ACVR2B: variants seen among roughly 807,000 people sequenced by gnomAD.
ACVR2B encodes the protein activin A receptor type 2B.
Under a neutral mutation model 65.1 loss-of-function variants are expected in ACVR2B, and 18 were observed. That is an observed-to-expected ratio of 0.28 (90% CI 0.19 to 0.41). ACVR2B has a LOEUF of 0.41. ACVR2B is among the 10% of genes least tolerant of loss of function. The probability of loss-of-function intolerance (pLI) is 1.00; values close to 1 mark genes in which losing one functional copy is unlikely to be tolerated. For missense variants in ACVR2B, 482 were observed against 682.7 expected, an observed-to-expected ratio of 0.71 and a Z score of 3.28; for synonymous variants, 298 against 277.7, an observed-to-expected ratio of 1.07 and a Z score of -0.73.
chr3:38,481,784 G>C lies in ACVR2B; in HGVS notation c.1074+319G>C, dbSNP rs1211638599. On this transcript the variant is annotated intron_variant, in intron 8 of 10. Coordinates refer to ENST00000352511, the MANE Select transcript of ACVR2B (RefSeq NM_001106.4). The surrounding 1 kb of genome is among the most constrained non-coding windows in gnomAD (Gnocchi z 4.7). ...AGACAAAACAAAGAAATGTACTAAG[G>C]ATCCAAACAAAGAACCTGGAAAAAG... 6.6e-6 allele frequency among the ~76,000 whole-genome samples: 1 copy of C among 152,090 alleles called. No homozygotes were observed. The highest frequency in any genetic ancestry group is 1.5e-5 in the Non-Finnish European group (1 of 68,012).
At position 38,479,761 on chromosome 3, in the gene ACVR2B, C is replaced by T. The variant is rs779974135; in HGVS notation, c.894C>T (p.Leu298=). The change falls in exon 7 of 11, where the codon CTC becomes CTT. Residue 298 remains leucine, a synonymous_variant. Transcript: ENST00000352511. ...TAGCAGAGACGATGTCACGAGGCCT[C>T]TCATACCTGCATGAGGATGTGCCCT... is the stretch of plus-strand genomic sequence containing the variant. ...CHVAETMSRG[L]SYLHEDVPWC... The T allele has an allele frequency of 3.7e-6, 6 of 1,614,256 alleles. No homozygotes were observed. The highest frequency in any genetic ancestry group is 5.1e-6 in the Non-Finnish European group (6 of 1,180,044).
At chr3:38,474,220 G>C (rs1709868857) in intron 1 of ACVR2B, 1 of 152,508 alleles carries the variant, frequency 6.6e-6, no homozygotes, top group East Asian at 1.9e-4. Context: ...CTGAGATTTG[G>C]AACTCCCAGC....
intron 1 of ACVR2B, among the ~76,000 whole-genome samples, chr3:38,460,008 G>A (rs1311879500): frequency 2.0e-5 from 3 of 152,198 alleles, no homozygotes; most frequent in Admixed American, 2.0e-4. Flanking sequence ...GCTGCACTGG[G>A]AAGTGATTAC....
chr3:38,460,313 A>G (rs1709622497), intron 1 of ACVR2B, among the ~76,000 whole-genome samples: 2 of 152,018 alleles, frequency 1.3e-5, no homozygotes, highest in South Asian at 2.1e-4. Flanking sequence ...AGAGGTGCCT[A>G]TTCCTTGTGG....
rs981353639 is a variant in ACVR2B, at chr3:38,488,685, C to T, written c.*5353C>T. ...ACATGACTTTTTGATTGTGGTACTT[C>T]CTGTATCCCCTGTAGTGCCAAAACC... On this transcript the variant is annotated 3_prime_UTR_variant, in exon 11 of 11. Transcript: ENST00000352511. 1.1e-4 allele frequency: 17 copies of T among 152,148 alleles called. No individual in the cohort carries two copies. The highest frequency in any genetic ancestry group is 3.9e-4 in the African/African-American group (16 of 41,422). The allele number at this position is 152,148 out of a possible 1,614,324, so 9.4% of individuals were successfully genotyped here. A position where few individuals can be genotyped will look rare whatever the true frequency, so the allele number is the denominator to read the frequency against.
chr3:38,471,442 T>C (rs745415833), intron 1 of ACVR2B, among the ~76,000 whole-genome samples: 6 of 113,640 alleles, frequency 5.3e-5, no homozygotes, highest in Non-Finnish European at 1.3e-4. Flanking sequence ...AGTTTAACAG[T>C]ATTTAGTCAG....
In ACVR2B at chr3:38,466,540, A is replaced by G. The variant is rs571554314; in HGVS notation, c.53-10747A>G. 1.6e-4 allele frequency among the ~76,000 whole-genome samples: 23 copies of G among 145,076 alleles called. No homozygotes were observed. In the East Asian group the frequency reaches 4.0e-3, roughly 25 times the overall value. ...TTTTTTTGAGATGGAGTCTTGCTCT[A>G]TCACCCAGGCTGGAGTGCAGTGGGG... On this transcript the variant is annotated intron_variant, in intron 1 of 10. Transcript: ENST00000352511.
rs547832785 is a variant in ACVR2B at position 38,478,054 on chromosome 3, G to A, written c.370+84G>A. The A allele has an allele frequency of 3.8e-6, 6 of 1,593,810 alleles. No individual in the cohort carries two copies. In the East Asian group the frequency reaches 1.3e-4, roughly 36 times the overall value. The stretch of plus-strand genomic sequence containing the variant: ...GGAGCGCTTGGCTCCTCAGTTGGGT[G>A]GGGTGTGGCTACAGGGCCCTGTAGT... On this transcript the variant is annotated intron_variant, in intron 3 of 10. Transcript: ENST00000352511.
chr3:38,471,697 G>C (rs1709821098), intron 1 of ACVR2B, among the ~76,000 whole-genome samples: 1 of 152,208 alleles, frequency 6.6e-6, no homozygotes, highest in Non-Finnish European at 1.5e-5. Flanking sequence ...CTAGAGACAG[G>C]CTGCCTGGGG....
In ACVR2B at chr3:38,492,753, C is replaced by A; in HGVS notation, c.*9421C>A. 1 of 14,618 alleles carries A rather than the reference C, an allele frequency of 6.8e-5. No individual in the cohort carries two copies. Among genetic ancestry groups the A allele is most frequent in the Admixed American group, 7.0e-4 (1 of 1,424 alleles). The allele number at this position is 14,618 out of a possible 1,614,324, so 0.9% of individuals were successfully genotyped here. ...TATTACACACACACACACACACACA[C>A]ACACACACACACACACACACACACA... On this transcript the variant is annotated 3_prime_UTR_variant, in exon 11 of 11. Coordinates refer to ENST00000352511, the MANE Select transcript of ACVR2B (RefSeq NM_001106.4).
chr3:38,486,530 C>T lies in ACVR2B; in HGVS notation c.*3198C>T, dbSNP rs889994074. The T allele has an allele frequency of 1.3e-5, 2 of 152,218 alleles. No individual in the cohort carries two copies. Among genetic ancestry groups the T allele is most frequent in the African/African-American group, 4.8e-5 (2 of 41,444 alleles). 9.4% of individuals were successfully genotyped at this position (152,218 alleles called of 1,614,324 possible). ...CCTGTGCTCTTTTCCATAATGACTT[C>T]ATGTGACATGCACTTTTGGTGGGCT... On this transcript the variant is annotated 3_prime_UTR_variant, in exon 11 of 11. Transcript: ENST00000352511.
chr3:38,454,249 G>T lies in ACVR2B; in HGVS notation c.-74G>T. 1.8e-6 allele frequency: 2 copies of T among 1,094,740 alleles called. No individual in the cohort carries two copies. The highest frequency in any genetic ancestry group is 2.3e-6 in the Non-Finnish European group (2 of 878,634). The allele number at this position is 1,094,740 out of a possible 1,614,324, so 67.8% of individuals were successfully genotyped here. On this transcript the variant is annotated 5_prime_UTR_variant, in exon 1 of 11. Transcript: ENST00000352511. ...GGAAGGAGAGCGCAGCCGCCGCCTG[G>T]CCCTGCGCGCCCCGGGAGCGCCGTG...
intron 1 of ACVR2B, among the ~76,000 whole-genome samples, chr3:38,455,515 CG>C (rs927955866): frequency 3.3e-5 from 5 of 152,114 alleles, no homozygotes; most frequent in African/African-American, 1.2e-4. Flanking sequence ...CACGCTGCTG[CG>C]GGGGTGGGGA....
At chr3:38,478,061 G>A (rs1409559704) in intron 3 of ACVR2B, 80 bp from the exon 4 acceptor site, 2 of 1,596,084 alleles carry the variant, frequency 1.3e-6, no homozygotes, top group Non-Finnish European at 1.7e-6. Flanking sequence ...GGTGGGGTGT[G>A]GCTACAGGGC....
intron 1 of ACVR2B, among the ~76,000 whole-genome samples, chr3:38,456,146 A>AG (rs1432129504): frequency 3.3e-5 from 5 of 152,206 alleles, no homozygotes; most frequent in Non-Finnish European, 7.4e-5. Context: ...GTACCCTGCC[A>AG]GGGGGCAGTC....
intron 1 of ACVR2B, chr3:38,473,576 C>T (rs557146569): frequency 6.6e-6 from 1 of 152,458 alleles, no homozygotes; most frequent in Non-Finnish European, 1.5e-5. Flanking sequence ...GCAGCAGAGC[C>T]CTGTGGTGAG....
In ACVR2B at chr3:38,462,352, T is replaced by C. The variant is rs557176066; in HGVS notation, c.52+7978T>C. On this transcript the variant is annotated intron_variant, in intron 1 of 10. Transcript: ENST00000352511. Reference sequence around the variant, plus strand: ...ACAGCTAAGAAGCATTTTCACAAATTGAATACACTGGTTTAGTCAGCATCC... The same window carrying C: ...ACAGCTAAGAAGCATTTTCACAAATCGAATACACTGGTTTAGTCAGCATCC... Among the ~76,000 whole-genome samples the C allele has an allele frequency of 1.1e-4, 16 of 152,282 alleles. No individual in the cohort carries two copies. In the South Asian group the frequency reaches 2.3e-3, roughly 22 times the overall value.
intron 1 of ACVR2B, among the ~76,000 whole-genome samples, chr3:38,466,965 A>G (rs753689797): frequency 7.2e-5 from 11 of 152,256 alleles, no homozygotes; most frequent in Non-Finnish European, 1.6e-4. Context: ...TGAGTTTGAA[A>G]TACCACAAAA....
chr3:38,469,365 A>G lies in ACVR2B; in HGVS notation c.53-7922A>G, dbSNP rs1003930648. On this transcript the variant is annotated intron_variant, in intron 1 of 10. Coordinates refer to ENST00000352511, the MANE Select transcript of ACVR2B (RefSeq NM_001106.4). ...GATGTGGGTTTAAGTAGCAGTGTGG[A>G]CAATAGGAGAGAAGATGTGGAATTG... Among the ~76,000 whole-genome samples the G allele has an allele frequency of 5.9e-5, 9 of 152,160 alleles. No homozygotes were observed. In the East Asian group the frequency reaches 1.7e-3, roughly 29 times the overall value.
Sources: gnomAD v4.1 joint callset for allele counts (sites outside exome capture counted in the v4.1 genomes callset) on GRCh38, gnomAD v4.1.1 for gene constraint, Gnocchi (gnomAD v3.1) non-coding constraint, MANE v1.5 for transcripts, NCBI Gene and HGNC (gene_info 2026-07-23, HGNC 2026-07-21) for gene names.